The following METTL15 variants were observed in gnomAD, a reference collection of about 807,000 sequenced individuals.
METTL15 encodes the protein 12S rRNA N(4)-cytidine methyltransferase METTL15.
A neutral mutation model predicts 38.3 loss-of-function variants in METTL15; 34 were observed. The observed-to-expected ratio is 0.89, with a 90% CI of 0.68 to 1.18. The LOEUF is 1.18. METTL15 is among the 50% of genes most tolerant of loss of function. The pLI, the probability that METTL15 is intolerant of heterozygous loss-of-function variation, is 0.00. For synonymous variants in METTL15, 162 were observed against 170.9 expected (o/e 0.95, Z 0.41); for missense variants, 438 against 498.4 (o/e 0.88, Z 1.15).
chr11:28,414,366 C>CAGAAAAATATTTTTTATATATTT (rs1850754158), intron 5 of METTL15, among the ~76,000 whole-genome samples: 2 of 152,010 alleles, frequency 1.3e-5, no homozygotes, highest in Non-Finnish European at 2.9e-5. Context: ...AATCTCCTGC[C>CAGAAAAATATTTTTTATATATTT]AGTGCCTCCC....
At chr11:28,410,863 G>T (rs1850718679) in intron 5 of METTL15, 1 of 151,888 alleles carries the variant, frequency 6.6e-6, no homozygotes, top group Admixed American at 6.6e-5. Context: ...GATTCTATAG[G>T]CAGAAAACCC....
chr11:28,273,416 C>G (rs1404900427), intron 4 of METTL15, among the ~76,000 whole-genome samples: 2 of 151,776 alleles, frequency 1.3e-5, no homozygotes, highest in East Asian at 3.9e-4. Context: ...TTATATGTGC[C>G]CTATTATCAG....
downstream of METTL15, among the ~76,000 whole-genome samples, chr11:28,529,426 T>G (rs1851831910): frequency 6.6e-6 from 1 of 152,054 alleles, no homozygotes; most frequent in African/African-American, 2.4e-5. Flanking sequence ...AATCAATTTC[T>G]TGTTATTCTT....
At chr11:28,327,180 A>G (rs185205056) in intron 6 of METTL15, among the ~76,000 whole-genome samples, 17 of 152,288 alleles carry the variant, frequency 1.1e-4, no homozygotes, top group Middle Eastern at 3.4e-3. Flanking sequence ...CTTGGTCCCT[A>G]AAGATGGGAC....
At chr11:28,450,573 T>A (rs184961255) in intron 6 of METTL15, among the ~76,000 whole-genome samples, 1 of 152,226 alleles carries the variant, frequency 6.6e-6, no homozygotes, top group Admixed American at 6.5e-5. Context: ...AGTTAAAGCA[T>A]GTATTTAACA....
intron 4 of METTL15, among the ~76,000 whole-genome samples, chr11:28,226,854 C>T (rs1414487927): frequency 6.6e-6 from 1 of 151,802 alleles, no homozygotes; most frequent in African/African-American, 2.4e-5. Context: ...ATCTTACTAA[C>T]CATGGGAGGT....
intron 3 of METTL15, among the ~76,000 whole-genome samples, chr11:28,338,721 A>G (rs1032373024): frequency 3.3e-5 from 5 of 152,282 alleles, no homozygotes; most frequent in East Asian, 1.9e-4. Context: ...GAAACTTTTT[A>G]TTATAGTGTA....
intron 3 of METTL15, among the ~76,000 whole-genome samples, chr11:28,135,879 G>T (rs1387267073): frequency 6.6e-6 from 1 of 152,092 alleles, no homozygotes; most frequent in African/African-American, 2.4e-5. Flanking sequence ...AAGCACAAAA[G>T]GTTAAAAAGA....
rs559708252 is a variant in METTL15 at position 28,211,125 on chromosome 11, G to T, written c.334G>T (p.Asp112Tyr). Residue 112 changes from aspartate to tyrosine, a missense_variant, in exon 4 of 7, where the codon GAT becomes TAT. Transcript: ENST00000407364. ...HTKAILQKESDIVLYALDRDP... is the reference protein window; with the variant it reads ...HTKAILQKESYIVLYALDRDP... ...AAAAGCCATTCTGCAGAAGGAGTCA[G>T]ATATTGTTCTCTATGCCTTGGACAG... is the stretch of plus-strand genomic sequence containing the variant. 6.2e-6 allele frequency: 10 copies of T among 1,612,840 alleles called. No individual in the cohort carries two copies. In the East Asian group the frequency reaches 2.2e-4, roughly 36 times the overall value.
At chr11:28,241,525 C>T (rs1474181210) in intron 4 of METTL15, among the ~76,000 whole-genome samples, 1 of 149,692 alleles carries the variant, frequency 6.7e-6, no homozygotes, top group African/African-American at 2.5e-5. Flanking sequence ...CAGAGGGAGA[C>T]CCCGTCTCAA....
chr11:28,400,258 T>C (rs1850618277), intron 5 of METTL15, among the ~76,000 whole-genome samples: 1 of 151,894 alleles, frequency 6.6e-6, no homozygotes, highest in Non-Finnish European at 1.5e-5. Flanking sequence ...GTGGCAGTCA[T>C]ATACCATACA....
intron 6 of METTL15, among the ~76,000 whole-genome samples, chr11:28,493,998 G>A (rs368198095): frequency 1.3e-5 from 2 of 152,350 alleles, no homozygotes; most frequent in East Asian, 1.9e-4. Flanking sequence ...ATAGTGGAAA[G>A]AACACTGGCC....
intron 4 of METTL15, among the ~76,000 whole-genome samples, chr11:28,213,658 C>CTTT (rs34361912): frequency 7.6e-6 from 1 of 131,952 alleles, no homozygotes; most frequent in African/African-American, 2.7e-5. Flanking sequence ...GCCTTTTTTT[C>CTTT]TTTTTTTTTT....
intron 6 of METTL15, among the ~76,000 whole-genome samples, chr11:28,469,936 A>T (rs534208192): frequency 2.6e-4 from 39 of 152,252 alleles, no homozygotes; most frequent in African/African-American, 8.9e-4. Flanking sequence ...TTTAAATGTC[A>T]GGCTTATGAA....
chr11:28,320,254 T>A (rs1002276321), intron 6 of METTL15, among the ~76,000 whole-genome samples: 2 of 151,326 alleles, frequency 1.3e-5, no homozygotes, highest in African/African-American at 4.9e-5. Context: ...TATTTTAGCC[T>A]TGTAGAGCCG....
rs371299481 is a variant in METTL15 at position 28,122,371 on chromosome 11, GTA to G, written c.270+8784_270+8785del. 3.9e-3 allele frequency among the ~76,000 whole-genome samples: 303 copies of G among 77,650 alleles called. 3 individuals carry two copies. The highest frequency in any genetic ancestry group is 0.012 in the African/African-American group (149 of 12,706). The allele number at this position is 77,650 out of a possible 152,430, so 50.9% of individuals were successfully genotyped here. A position where few individuals can be genotyped will look rare whatever the true frequency, so the allele number is the denominator to read the frequency against. On this transcript the variant is annotated intron_variant, in intron 3 of 6. Transcript: ENST00000407364. Reference sequence around the variant, plus strand: ...TGTGTGTGTGTGTGTGTGTGTGTGTGTATATATATATATATATAGTCTTTTAG... The same window carrying G: ...TGTGTGTGTGTGTGTGTGTGTGTGTGTATATATATATATATAGTCTTTTAG...
chr11:28,452,159 A>C (rs2133448614), intron 6 of METTL15, among the ~76,000 whole-genome samples: 1 of 152,286 alleles, frequency 6.6e-6, no homozygotes, highest in Admixed American at 6.5e-5. Context: ...GAAAGCAAAC[A>C]TTTTGTGGAG....
At chr11:28,486,246 A>T (rs953551567) in intron 6 of METTL15, among the ~76,000 whole-genome samples, 3 of 152,134 alleles carry the variant, frequency 2.0e-5, no homozygotes, top group African/African-American at 7.2e-5. Context: ...GCTTTCCTGC[A>T]TCTTAGGCCA....
At chr11:28,152,357 A>T (rs1436021321) in intron 3 of METTL15, among the ~76,000 whole-genome samples, 1 of 151,836 alleles carries the variant, frequency 6.6e-6, no homozygotes, top group East Asian at 1.9e-4. Context: ...TTCCAAATGG[A>T]TGGTGAGGAG....
Sources: gnomAD v4.1 joint callset for allele counts (sites outside exome capture counted in the v4.1 genomes callset) on GRCh38, gnomAD v4.1.1 for gene constraint, MANE v1.5 for transcripts, NCBI Gene and HGNC (gene_info 2026-07-23, HGNC 2026-07-21) for gene names.